Variants in ZNF385D observed in about 807,000 individuals in gnomAD.
ZNF385D encodes zinc finger protein 659.
In ZNF385D, 15 loss-of-function variants were observed where a neutral mutation model predicts 35.8. The ratio of observed to expected loss-of-function variants is 0.42; its 90% CI spans 0.28 to 0.64. The LOEUF (loss-of-function observed/expected upper bound fraction) is 0.64. Among genes scored for constraint, ZNF385D ranks in the 30% least tolerant of loss-of-function variants. The pLI is 0.23. For synonymous variants in ZNF385D, 212 were observed against 186.8 expected, an observed-to-expected ratio of 1.13 and a Z score of -1.10; for missense variants, 474 against 494.6, an observed-to-expected ratio of 0.96 and a Z score of 0.39.
At chr3:21,730,307 T>C (rs559697803) in intron 1 of ZNF385D, among the ~76,000 whole-genome samples, 9 of 152,170 alleles carry the variant, frequency 5.9e-5, no homozygotes, top group Non-Finnish European at 1.2e-4. Flanking sequence ...CTGAAACAGT[T>C]CCCCAAAGGG....
chr3:22,151,342 A>G (rs79175082), intron 3 of ZNF385D, among the ~76,000 whole-genome samples: 5,426 of 152,230 alleles, frequency 0.036, 311 homozygotes, highest in African/African-American at 0.12. Context: ...TGTCAGGTGG[A>G]AACCAAGAGT....
At chr3:22,325,129 ATAC>A (rs1253209616) in intron 2 of ZNF385D, among the ~76,000 whole-genome samples, 4 of 152,222 alleles carry the variant, frequency 2.6e-5, no homozygotes, top group African/African-American at 9.6e-5. Flanking sequence ...ACCACAATAA[ATAC>A]TACTACAATA....
intron 1 of ZNF385D, among the ~76,000 whole-genome samples, chr3:21,699,280 T>C (rs1575484895): frequency 2.0e-5 from 3 of 151,456 alleles, no homozygotes; most frequent in African/African-American, 7.3e-5. Flanking sequence ...TAAGTGGGAG[T>C]TGAACAATGA....
intron 3 of ZNF385D, among the ~76,000 whole-genome samples, chr3:22,066,440 A>G (rs1218738334): frequency 1.4e-5 from 2 of 140,072 alleles, no homozygotes; most frequent in Non-Finnish European, 3.1e-5. Flanking sequence ...AAGTAAAAAG[A>G]TACTGGGTGA....
At chr3:21,718,263 G>A (rs562074711) in intron 1 of ZNF385D, among the ~76,000 whole-genome samples, 1 of 152,300 alleles carries the variant, frequency 6.6e-6, no homozygotes, top group South Asian at 2.1e-4. Flanking sequence ...ATCCTTCCAT[G>A]GTTCCTACTC....
rs574924675 is a variant in ZNF385D at position 22,206,682 on chromosome 3, G to A, written c.107-37647C>T. On this transcript the variant is annotated intron_variant, in intron 2 of 5. Transcript: ENST00000494108. ...ACAATATGCTCTGAGTGACAACGGA[G>A]TGAATGAAGAGATTAATAAGTAAAT... Among the ~76,000 whole-genome samples the A allele has an allele frequency of 3.3e-5, 5 of 151,994 alleles. No homozygotes were observed. The South Asian group carries it at 6.2e-4, about 19-fold the overall frequency.
intron 3 of ZNF385D, among the ~76,000 whole-genome samples, chr3:21,968,570 G>A (rs1047847263): frequency 3.3e-5 from 5 of 152,052 alleles, no homozygotes; most frequent in Admixed American, 6.6e-5. Flanking sequence ...TTGAATACCC[G>A]TTTCAGGCCC....
At chr3:22,361,277 T>G (rs950488261) in intron 2 of ZNF385D, among the ~76,000 whole-genome samples, 9 of 152,056 alleles carry the variant, frequency 5.9e-5, no homozygotes, top group Non-Finnish European at 1.0e-4. Context: ...GACTGGAAAC[T>G]TTCAAACTTG....
chr3:21,846,034 T>C (rs568280250), intron 3 of ZNF385D, among the ~76,000 whole-genome samples: 1 of 152,122 alleles, frequency 6.6e-6, no homozygotes, highest in South Asian at 2.1e-4. Flanking sequence ...GCTAGTAACA[T>C]ACAGAAAACA....
intron 1 of ZNF385D, among the ~76,000 whole-genome samples, chr3:21,697,068 G>A (rs928677818): frequency 2.0e-5 from 3 of 152,118 alleles, no homozygotes; most frequent in Non-Finnish European, 4.4e-5. Flanking sequence ...TGTTCTCTAA[G>A]AGCAGCCTGC....
At chr3:21,973,375 T>C (rs571444175) in intron 3 of ZNF385D, among the ~76,000 whole-genome samples, 1 of 152,016 alleles carries the variant, frequency 6.6e-6, no homozygotes, top group East Asian at 1.9e-4. Flanking sequence ...CATTCCTTCA[T>C]AATAAAAAAC....
At chr3:21,681,538 A>G (rs917660165) in intron 1 of ZNF385D, among the ~76,000 whole-genome samples, 10 of 151,910 alleles carry the variant, frequency 6.6e-5, no homozygotes, top group Non-Finnish European at 1.0e-4. Context: ...CTGACTCTCA[A>G]ATAAATCTGT....
At chr3:22,006,128 C>G (rs564303849) in intron 3 of ZNF385D, among the ~76,000 whole-genome samples, 1 of 152,196 alleles carries the variant, frequency 6.6e-6, no homozygotes, top group African/African-American at 2.4e-5. Context: ...TTAGATCACT[C>G]TTCAACCTTT....
intron 1 of ZNF385D, among the ~76,000 whole-genome samples, chr3:21,737,085 G>A (rs1036183382): frequency 1.3e-4 from 20 of 152,068 alleles, no homozygotes; most frequent in African/African-American, 2.4e-5. Context: ...GATAACAGGC[G>A]CTTGCCACCA....
intron 2 of ZNF385D, among the ~76,000 whole-genome samples, chr3:21,639,559 A>G (rs1002410274): frequency 6.6e-6 from 1 of 152,198 alleles, no homozygotes; most frequent in South Asian, 2.1e-4. Context: ...ATAAAATACA[A>G]TTTTACTGAT....
chr3:21,717,267 TCTC>T (rs894307536), intron 1 of ZNF385D, among the ~76,000 whole-genome samples: 2 of 152,048 alleles, frequency 1.3e-5, no homozygotes, highest in African/African-American at 4.8e-5. Context: ...TTAACTAAGT[TCTC>T]CTCTTTAAAT....
chr3:21,826,294 A>C (rs2670258), intron 3 of ZNF385D, among the ~76,000 whole-genome samples: 120,433 of 152,064 alleles, frequency 0.79, 48,223 homozygotes, highest in Non-Finnish European at 0.85. Flanking sequence ...CGTTTACCGC[A>C]ATCCCCAACC....
In ZNF385D at chr3:21,684,365, CCTCTCTCT is replaced by C. The variant is rs373105142; in HGVS notation, c.23-19345_23-19338del. Among the ~76,000 whole-genome samples, 118 of 73,368 alleles carry C rather than the reference CCTCTCTCT, an allele frequency of 1.6e-3. 2 individuals are homozygous for C. Among genetic ancestry groups the C allele is most frequent in the Middle Eastern group, 0.011 (1 of 88 alleles). The allele number at this position is 73,368 out of a possible 152,430, so 48.1% of individuals were successfully genotyped here. On this transcript the variant is annotated intron_variant, in intron 1 of 7. Coordinates refer to ENST00000281523, the MANE Select transcript of ZNF385D (RefSeq NM_024697.3). ...AAAGCCATAAATGGTTAACTGTTCT[CCTCTCTCT>C]CTCTCTCTCTCTCTCTCTCTCTCTC...
At chr3:22,015,978 A>G (rs1377316199) in intron 3 of ZNF385D, among the ~76,000 whole-genome samples, 3 of 152,124 alleles carry the variant, frequency 2.0e-5, no homozygotes, top group African/African-American at 7.2e-5. Context: ...GGTACAAACC[A>G]AAAGAGTAAG....
Sources: gnomAD v4.1 joint callset for allele counts (sites outside exome capture counted in the v4.1 genomes callset) on GRCh38, gnomAD v4.1.1 for gene constraint, MANE v1.5 for transcripts, NCBI Gene and HGNC (gene_info 2026-07-23, HGNC 2026-07-21) for gene names.